Variants in PTBP3 observed in about 807,000 individuals in gnomAD.
PTBP3 encodes the protein polypyrimidine tract-binding protein 3.
In PTBP3, 20 loss-of-function variants were observed where a neutral mutation model predicts 58.7. The ratio of observed to expected loss-of-function variants is 0.34; its 90% CI spans 0.24 to 0.50. The LOEUF (loss-of-function observed/expected upper bound fraction) is 0.50. Ranked by LOEUF, PTBP3 falls within the 20% of genes least tolerant of loss-of-function variation. The pLI, the probability that PTBP3 is intolerant of heterozygous loss-of-function variation, is 0.98. For missense variants in PTBP3, 509 were observed against 637.2 expected, an observed-to-expected ratio of 0.80 and a Z score of 2.17; for synonymous variants, 185 against 219.8, an observed-to-expected ratio of 0.84 and a Z score of 1.40.
At position 112,234,877 on chromosome 9, in the gene PTBP3, A is replaced by G. The variant is rs370534029; in HGVS notation, c.823T>C (p.Ser275Pro). ...AAFGAPGIISSPYAGAAGFAP... is the reference protein window; with the variant it reads ...AAFGAPGIISPPYAGAAGFAP... ...AATCCAGCAGCCCCTGCATATGGTG[A>G]AGAAATTATACCCGGTGCACCTAAT... is the stretch of plus-strand genomic sequence containing the variant. Residue 275 changes from serine (S) to proline (P), a missense_variant, in exon 8 of 14, where the codon TCA (serine) becomes CCA (proline). Physicochemically the swap from Ser to Pro is moderately conservative, Grantham distance 74. Coordinates refer to ENST00000374257, the MANE Select transcript of PTBP3 (RefSeq NM_001163788.4). 18 of 1,612,688 alleles carry G rather than the reference A, an allele frequency of 1.1e-5. No homozygotes were observed. Among genetic ancestry groups the G allele is most frequent in the Non-Finnish European group, 1.5e-5 (18 of 1,179,088 alleles).
At position 112,282,709 on chromosome 9, in the gene PTBP3, TA is replaced by T. The variant is rs567064262; in HGVS notation, c.35-6697del. Among the ~76,000 whole-genome samples, 372 of 152,340 alleles carry T rather than the reference TA, an allele frequency of 2.4e-3. 2 individuals carry two copies. Among genetic ancestry groups the T allele is most frequent in the African/African-American group, 8.8e-3 (365 of 41,586 alleles). On this transcript the variant is annotated intron_variant, in intron 2 of 13. Coordinates refer to ENST00000374257, the MANE Select transcript of PTBP3 (RefSeq NM_001163788.4). ...TTGAAGATCTTGTTTTGATTTCTAA[TA>T]GAATTCTAATGAAGTCAGATAATTT...
the PTBP3 span, among the ~76,000 whole-genome samples, chr9:112,357,269 GATACA>G: frequency 3.3e-5 from 5 of 152,228 alleles, no homozygotes; most frequent in African/African-American, 1.2e-4. Flanking sequence ...ATTCATTACT[GATACA>G]ATACTTTAAT....
chr9:112,307,089 G>C (rs1240308660), intron 1 of PTBP3, among the ~76,000 whole-genome samples: 1 of 152,128 alleles, frequency 6.6e-6, no homozygotes, highest in African/African-American at 2.4e-5. Flanking sequence ...AAGTAAAGGG[G>C]ACCCTAGTAT....
At chr9:112,285,755 A>T (rs1443714717) in intron 2 of PTBP3, among the ~76,000 whole-genome samples, 60 of 152,216 alleles carry the variant, frequency 3.9e-4, no homozygotes, top group Non-Finnish European at 7.3e-5. Context: ...ATTTTTCACG[A>T]TTTTAAATTT....
chr9:112,242,777 C>A (rs1052821921), intron 7 of PTBP3: 1 of 152,306 alleles, frequency 6.6e-6, no homozygotes, highest in Non-Finnish European at 1.5e-5. Flanking sequence ...CCCAGAACTC[C>A]TGGGCTCAAG....
chr9:112,234,125 G>C (rs949365097), intron 8 of PTBP3, among the ~76,000 whole-genome samples: 2 of 152,104 alleles, frequency 1.3e-5, no homozygotes, highest in African/African-American at 4.8e-5. Context: ...ACCAACCTCA[G>C]TGTTTTCTTT....
intron 2 of PTBP3, among the ~76,000 whole-genome samples, chr9:112,280,244 G>C (rs1159389772): frequency 6.6e-6 from 1 of 152,076 alleles, no homozygotes; most frequent in Non-Finnish European, 1.5e-5. Context: ...TAGTAGACAC[G>C]TGGTTTCACC....
At chr9:112,308,722 G>A (rs1273693729) in intron 1 of PTBP3, among the ~76,000 whole-genome samples, 1 of 152,152 alleles carries the variant, frequency 6.6e-6, no homozygotes, top group Non-Finnish European at 1.5e-5. Context: ...TGAAGACATA[G>A]GGGAGTGGCG....
chr9:112,248,196 G>A (rs1003718911), intron 7 of PTBP3, among the ~76,000 whole-genome samples: 1 of 151,946 alleles, frequency 6.6e-6, no homozygotes, highest in African/African-American at 2.4e-5. Flanking sequence ...CAAATGTAAA[G>A]GAAATAAGAA....
Position 112,237,817 on chromosome 9 carries a change from A to G in PTBP3, c.803-2920T>C, listed in dbSNP as rs556554049. 2.6e-5 allele frequency among the ~76,000 whole-genome samples: 4 copies of G among 152,310 alleles called. No homozygotes were observed. In the South Asian group the frequency reaches 8.3e-4, roughly 32 times the overall value. On this transcript the variant is annotated intron_variant, in intron 7 of 13. Transcript: ENST00000374257. ...CTATCTACTATTCCTCCCATCTTCA[A>G]AAGACTACAAGGAAGGTTTGCTTTG...
intron 7 of PTBP3, among the ~76,000 whole-genome samples, chr9:112,247,786 G>C (rs550834814): frequency 6.6e-6 from 1 of 152,272 alleles, no homozygotes; most frequent in Admixed American, 6.5e-5. Context: ...ACTGTATTTA[G>C]TAAGAATGTC....
chr9:112,251,236 T>C, intron 6 of PTBP3, 133 bp from the exon 7 acceptor site: 1 of 566,652 alleles, frequency 1.8e-6, no homozygotes, highest in East Asian at 3.2e-5. Flanking sequence ...GTCTTGGGTT[T>C]ACTTTTACCT....
intron 2 of PTBP3, among the ~76,000 whole-genome samples, chr9:112,294,873 A>G (rs1828600130): frequency 6.6e-6 from 1 of 151,700 alleles, no homozygotes; most frequent in African/African-American, 2.4e-5. Flanking sequence ...TGAAAACAGG[A>G]AAAAAAAATT....
chr9:112,300,523 C>T (rs868391502), intron 1 of PTBP3, among the ~76,000 whole-genome samples: 6 of 151,728 alleles, frequency 4.0e-5, no homozygotes, highest in Middle Eastern at 3.4e-3. Flanking sequence ...GAGGGCTTGG[C>T]GGGCGGATCA....
At chr9:112,266,615 T>C (rs745638502) in intron 4 of PTBP3, among the ~76,000 whole-genome samples, 3 of 152,354 alleles carry the variant, frequency 2.0e-5, no homozygotes, top group East Asian at 3.9e-4. Context: ...GGACGAATTA[T>C]AATTCTCCTA....
intron 3 of PTBP3, among the ~76,000 whole-genome samples, chr9:112,269,833 T>A (rs899091612): frequency 6.6e-6 from 1 of 152,206 alleles, no homozygotes; most frequent in African/African-American, 2.4e-5. Flanking sequence ...TCTACTCACA[T>A]GATGGTGCAC....
intron 7 of PTBP3, among the ~76,000 whole-genome samples, chr9:112,248,871 T>C (rs1835989949): frequency 2.6e-5 from 4 of 152,184 alleles, no homozygotes; most frequent in Admixed American, 2.6e-4. Flanking sequence ...AACAATAAAA[T>C]GGATAAACAA....
the PTBP3 span, among the ~76,000 whole-genome samples, chr9:112,350,389 T>C: frequency 6.6e-6 from 1 of 152,212 alleles, no homozygotes; most frequent in Non-Finnish European, 1.5e-5. Flanking sequence ...AAATAAACTT[T>C]ATTTTTTATA....
In PTBP3 at chr9:112,333,520, A is replaced by G; in HGVS notation, c.-102T>C. 6.3e-7 allele frequency: 1 copy of G among 1,580,962 alleles called. No homozygotes were observed. The highest frequency in any genetic ancestry group is 8.6e-7 in the Non-Finnish European group (1 of 1,163,234). On this transcript the variant is annotated 5_prime_UTR_variant, in exon 1 of 14. Transcript: ENST00000374257. ...GCACAGAGCAGGGACTGACGGGCTA[A>G]CCGCGAGCAGAGGAAGCAGGCGGCG...
Sources: allele counts gnomAD v4.1 joint callset (sites outside exome capture counted in the v4.1 genomes callset), GRCh38; gene constraint gnomAD v4.1.1; transcripts MANE v1.5; gene names NCBI Gene and HGNC (gene_info 2026-07-23, HGNC 2026-07-21).